Variants in CNTN4 observed in about 807,000 individuals in gnomAD.
CNTN4 encodes contactin-4.
Under a neutral mutation model 122.5 loss-of-function variants are expected in CNTN4, and 77 were observed. That is an observed-to-expected ratio of 0.63 (90% CI 0.52 to 0.76). CNTN4 has a LOEUF of 0.76. Ranked by LOEUF, CNTN4 falls within the 30% of genes least tolerant of loss-of-function variation. CNTN4 has a pLI of 0.00. For synonymous variants in CNTN4, 512 were observed against 447.0 expected (o/e 1.15, Z -1.83); for missense variants, 1,256 against 1,259.1 (o/e 1.00, Z 0.04).
chr3:2,742,063 A>C (rs536782206), intron 5 of CNTN4, among the ~76,000 whole-genome samples: 68 of 152,298 alleles, frequency 4.5e-4, no homozygotes, highest in Middle Eastern at 3.4e-3. Flanking sequence ...GAGCAAGACA[A>C]AGAATGGAGA....
At chr3:3,019,638 T>C (rs1005991157) in intron 14 of CNTN4, among the ~76,000 whole-genome samples, 1 of 151,638 alleles carries the variant, frequency 6.6e-6, no homozygotes, top group Non-Finnish European at 1.5e-5. Flanking sequence ...AAGAATAAGA[T>C]GGAGAAGCCA....
In CNTN4 at chr3:2,933,705, G is replaced by A. The variant is rs140257586; in HGVS notation, c.1358+7926G>A. On this transcript the variant is annotated intron_variant, in intron 13 of 24. Coordinates refer to ENST00000418658, the MANE Select transcript of CNTN4 (RefSeq NM_175607.3). ...GGGCTTTCTGTATATGTTTTATTCC[G>A]TTCTTTAACACTACAACACTGCCTG... 3.0e-3 allele frequency among the ~76,000 whole-genome samples: 449 copies of A among 152,064 alleles called. 2 individuals are homozygous for A. Among genetic ancestry groups the A allele is most frequent in the Middle Eastern group, 0.01 (3 of 294 alleles).
At chr3:2,539,724 A>G (rs918639535) in intron 3 of CNTN4, among the ~76,000 whole-genome samples, 1 of 152,150 alleles carries the variant, frequency 6.6e-6, no homozygotes, top group Non-Finnish European at 1.5e-5. Flanking sequence ...TGTTACAAGT[A>G]AACAGATTTC....
chr3:2,126,524 CTTTA>C (rs955055673), intron 2 of CNTN4, among the ~76,000 whole-genome samples: 21 of 152,008 alleles, frequency 1.4e-4, no homozygotes, highest in African/African-American at 4.1e-4. Flanking sequence ...GTCCTGTGAA[CTTTA>C]TTTAATCATT....
At chr3:2,103,110 A>G (rs1044631487) in intron 2 of CNTN4, among the ~76,000 whole-genome samples, 4 of 152,032 alleles carry the variant, frequency 2.6e-5, no homozygotes, top group African/African-American at 9.7e-5. Flanking sequence ...TTATTTGTTC[A>G]TCATAGCTAG....
intron 4 of CNTN4, among the ~76,000 whole-genome samples, chr3:2,676,406 G>C (rs2150427033): frequency 6.6e-6 from 1 of 152,280 alleles, no homozygotes; most frequent in South Asian, 2.1e-4. Flanking sequence ...ATTTTTAATA[G>C]AGACAGGGTT....
rs58111735 is a variant in CNTN4 at position 2,815,873 on chromosome 3, CATATAT to C, written c.359-3600_359-3595del. Among the ~76,000 whole-genome samples, 4 of 141,280 alleles carry C rather than the reference CATATAT, an allele frequency of 2.8e-5. 1 individual carries two copies. Among genetic ancestry groups the C allele is most frequent in the African/African-American group, 1.2e-4 (4 of 32,720 alleles). 92.7% of individuals were successfully genotyped at this position (141,280 alleles called of 152,430 possible). A position where few individuals can be genotyped will look rare whatever the true frequency, so the allele number is the denominator to read the frequency against. ...CAATAAGTGGCTAAAGAAACTATGG[CATATAT>C]ATATATATATATGATGGAATACTAT... On this transcript the variant is annotated intron_variant, in intron 6 of 24. Coordinates refer to ENST00000418658, the MANE Select transcript of CNTN4 (RefSeq NM_175607.3).
intron 2 of CNTN4, among the ~76,000 whole-genome samples, chr3:2,247,481 A>C (rs557061729): frequency 6.6e-6 from 1 of 151,986 alleles, no homozygotes; most frequent in South Asian, 2.1e-4. Flanking sequence ...TGATGATGAC[A>C]GATGATGATA....
chr3:2,423,195 G>A (rs1261892960), intron 3 of CNTN4, among the ~76,000 whole-genome samples: 1 of 152,206 alleles, frequency 6.6e-6, no homozygotes, highest in Non-Finnish European at 1.5e-5. Flanking sequence ...AGCCTCACAA[G>A]TTGTTGCCTT....
intron 12 of CNTN4, among the ~76,000 whole-genome samples, chr3:2,906,686 A>G (rs560015369): frequency 5.5e-4 from 83 of 151,674 alleles, no homozygotes; most frequent in Non-Finnish European, 9.6e-4. Context: ...AAAAATATAT[A>G]TATATAAATT....
chr3:2,138,030 G>C (rs2034791138), intron 2 of CNTN4, among the ~76,000 whole-genome samples: 1 of 151,730 alleles, frequency 6.6e-6, no homozygotes, highest in Non-Finnish European at 1.5e-5. Context: ...TCAGCTTCTA[G>C]CTGGAATGTG....
chr3:2,437,339 A>C (rs1238846268), intron 3 of CNTN4, among the ~76,000 whole-genome samples: 4 of 152,194 alleles, frequency 2.6e-5, no homozygotes, highest in Admixed American at 1.3e-4. Context: ...AAAATACTGT[A>C]TAATAAAATA....
chr3:2,691,280 G>A (rs1299377353), intron 4 of CNTN4, among the ~76,000 whole-genome samples: 3 of 152,076 alleles, frequency 2.0e-5, no homozygotes, highest in Admixed American at 6.6e-5. Context: ...CCTATAATAT[G>A]CCCTCATCGT....
intron 2 of CNTN4, among the ~76,000 whole-genome samples, chr3:2,210,470 C>G (rs758358573): frequency 1.4e-4 from 22 of 152,128 alleles, no homozygotes; most frequent in Non-Finnish European, 3.1e-4. Flanking sequence ...TACCTTCAGT[C>G]TTGGCCCCCT....
At chr3:2,215,046 G>A (rs532405589) in intron 2 of CNTN4, among the ~76,000 whole-genome samples, 1 of 152,264 alleles carries the variant, frequency 6.6e-6, no homozygotes, top group African/African-American at 2.4e-5. Flanking sequence ...TTTAGTTACA[G>A]ACGCAATTGA....
chr3:2,928,442 G>A (rs1160768375), intron 13 of CNTN4, among the ~76,000 whole-genome samples: 1 of 152,170 alleles, frequency 6.6e-6, no homozygotes, highest in Non-Finnish European at 1.5e-5. Context: ...AGATGAAACT[G>A]ATGAGTAAAA....
At chr3:2,331,949 C>T (rs1455410550) in intron 2 of CNTN4, among the ~76,000 whole-genome samples, 4 of 152,152 alleles carry the variant, frequency 2.6e-5, no homozygotes, top group Non-Finnish European at 5.9e-5. Flanking sequence ...AGGCGATTCT[C>T]CTGTCCAGCC....
At chr3:2,210,056 A>G (rs77592981) in intron 2 of CNTN4, among the ~76,000 whole-genome samples, 1,531 of 152,262 alleles carry the variant, frequency 0.01, 24 homozygotes, top group African/African-American at 0.035. Flanking sequence ...AGTGTCTTAC[A>G]AAACTATTTA....
chr3:3,006,879 G>T (rs1296080941), intron 14 of CNTN4, among the ~76,000 whole-genome samples: 1 of 152,192 alleles, frequency 6.6e-6, no homozygotes, highest in Non-Finnish European at 1.5e-5. Flanking sequence ...AGCTCCTGGT[G>T]TTGAGTGTGT....
Sources: allele counts gnomAD v4.1 joint callset (sites outside exome capture counted in the v4.1 genomes callset), GRCh38; gene constraint gnomAD v4.1.1; transcripts MANE v1.5; gene names NCBI Gene and HGNC (gene_info 2026-07-23, HGNC 2026-07-21).